Variants in RUNDC3B observed in about 807,000 individuals in gnomAD.
RUNDC3B encodes RUN domain-containing protein 3B.
A neutral mutation model predicts 58.4 loss-of-function variants in RUNDC3B; 33 were observed. That is an observed-to-expected ratio of 0.56 (90% CI 0.43 to 0.75). The LOEUF is 0.75. Among genes scored for constraint, RUNDC3B ranks in the 30% least tolerant of loss-of-function variants. The pLI is 0.00. For synonymous variants in RUNDC3B, 193 were observed against 195.2 expected (o/e 0.99, Z 0.10); for missense variants, 501 against 535.7 (o/e 0.94, Z 0.64).
intron 2 of RUNDC3B, among the ~76,000 whole-genome samples, chr7:87,663,746 A>G (rs188715275): frequency 2.0e-5 from 3 of 152,170 alleles, no homozygotes; most frequent in African/African-American, 7.2e-5. Flanking sequence ...AGGCTTAAGT[A>G]ACAGAAATTT....
chr7:87,755,693 A>G (rs921877388), intron 6 of RUNDC3B, among the ~76,000 whole-genome samples: 1 of 152,210 alleles, frequency 6.6e-6, no homozygotes, highest in Admixed American at 6.5e-5. Flanking sequence ...AAAACTCTCA[A>G]TAAACTACAT....
intron 2 of RUNDC3B, among the ~76,000 whole-genome samples, chr7:87,652,272 A>G (rs895589325): frequency 1.5e-4 from 23 of 152,200 alleles, no homozygotes; most frequent in Admixed American, 2.6e-4. Flanking sequence ...AAAACTATCA[A>G]TAGCAAATGA....
At chr7:87,674,458 C>G (rs1227877535) in intron 2 of RUNDC3B, among the ~76,000 whole-genome samples, 1 of 152,078 alleles carries the variant, frequency 6.6e-6, no homozygotes, top group Non-Finnish European at 1.5e-5. Flanking sequence ...GCAGGGTACA[C>G]TCATGCTGGC....
intron 8 of RUNDC3B, among the ~76,000 whole-genome samples, chr7:87,788,757 G>T (rs899940973): frequency 2.7e-5 from 4 of 148,006 alleles, no homozygotes; most frequent in African/African-American, 1.0e-4. Context: ...TTTTAGTAGG[G>T]TACATGTGCA....
chr7:87,674,303 G>T (rs1826110748), intron 2 of RUNDC3B, among the ~76,000 whole-genome samples: 2 of 152,138 alleles, frequency 1.3e-5, no homozygotes, highest in South Asian at 2.1e-4. Flanking sequence ...TGGCAGGGGT[G>T]GGGGTACTGG....
rs186534623 is a variant in RUNDC3B at position 87,635,753 on chromosome 7, C to A, written c.122+6808C>A. 9.2e-5 allele frequency among the ~76,000 whole-genome samples: 14 copies of A among 152,290 alleles called. No homozygotes were observed. In the East Asian group the frequency reaches 2.5e-3, roughly 27 times the overall value. On this transcript the variant is annotated intron_variant, in intron 1 of 10. Transcript: ENST00000394654. Reference sequence around the variant, plus strand: ...AGAAAGAACTGTTCAAATATCAAGACCTCCTCCTTGCTTTCTTGTAGTTAA... The same window carrying A: ...AGAAAGAACTGTTCAAATATCAAGAACTCCTCCTTGCTTTCTTGTAGTTAA...
chr7:87,825,173 A>C (rs1484830010), intron 10 of RUNDC3B, among the ~76,000 whole-genome samples: 2 of 151,938 alleles, frequency 1.3e-5, no homozygotes, highest in Non-Finnish European at 2.9e-5. Context: ...AGTGAGCCGA[A>C]ATCACACCAC....
intron 6 of RUNDC3B, among the ~76,000 whole-genome samples, chr7:87,765,489 T>C (rs750686898): frequency 1.3e-5 from 2 of 152,092 alleles, no homozygotes; most frequent in Non-Finnish European, 2.9e-5. Context: ...GGTTTTGGTA[T>C]ATTATGTCTC....
intron 6 of RUNDC3B, among the ~76,000 whole-genome samples, chr7:87,769,914 T>C (rs1834182506): frequency 6.6e-6 from 1 of 152,130 alleles, no homozygotes; most frequent in South Asian, 2.1e-4. Context: ...CATTTTTATC[T>C]CTATTGAGTT....
intron 10 of RUNDC3B, among the ~76,000 whole-genome samples, chr7:87,826,784 C>T (rs1450108539): frequency 2.6e-5 from 4 of 152,028 alleles, no homozygotes; most frequent in Non-Finnish European, 4.4e-5. Context: ...GAAGTAATCA[C>T]CTACAAGACA....
At chr7:87,824,043 T>C (rs1424581053) in intron 10 of RUNDC3B, among the ~76,000 whole-genome samples, 1 of 152,190 alleles carries the variant, frequency 6.6e-6, no homozygotes, top group East Asian at 1.9e-4. Flanking sequence ...CTGTATCCTA[T>C]TAAAGTAACT....
intron 8 of RUNDC3B, among the ~76,000 whole-genome samples, chr7:87,778,679 T>C (rs978363884): frequency 6.6e-6 from 1 of 152,176 alleles, no homozygotes; most frequent in Admixed American, 6.5e-5. Context: ...AGAATGTCAC[T>C]AAGCAGAGTT....
chr7:87,747,033 G>T (rs570566189), intron 6 of RUNDC3B, among the ~76,000 whole-genome samples: 2 of 152,212 alleles, frequency 1.3e-5, no homozygotes, highest in African/African-American at 4.8e-5. Flanking sequence ...GATTTTTTGG[G>T]TGTGTTGAAG....
chr7:87,661,500 A>T (rs761863173), intron 2 of RUNDC3B, among the ~76,000 whole-genome samples: 27 of 151,782 alleles, frequency 1.8e-4, no homozygotes, highest in Non-Finnish European at 3.1e-4. Flanking sequence ...AGTTCCCACA[A>T]ATAAGTGAAA....
intron 4 of RUNDC3B, among the ~76,000 whole-genome samples, chr7:87,732,636 G>A (rs571140613): frequency 5.5e-4 from 83 of 152,262 alleles, no homozygotes; most frequent in Non-Finnish European, 9.3e-4. Flanking sequence ...TGAAAGCTGG[G>A]TCCAGGGGGG....
At chr7:87,814,101 C>CT (rs528299203) in intron 9 of RUNDC3B, among the ~76,000 whole-genome samples, 2,676 of 138,632 alleles carry the variant, frequency 0.019, 36 homozygotes, top group East Asian at 0.052. Flanking sequence ...TCTTTCTTTC[C>CT]TTTTTTTTTT....
intron 4 of RUNDC3B, among the ~76,000 whole-genome samples, chr7:87,719,568 C>T (rs1830746155): frequency 6.6e-6 from 1 of 151,802 alleles, no homozygotes; most frequent in African/African-American, 2.4e-5. Flanking sequence ...CGATACTAAA[C>T]ATACTATATA....
chr7:87,665,940 G>A (rs990993074), intron 2 of RUNDC3B, among the ~76,000 whole-genome samples: 6 of 151,672 alleles, frequency 4.0e-5, no homozygotes, highest in Admixed American at 3.3e-4. Flanking sequence ...GTGCTACAGT[G>A]AACATACGTG....
intron 4 of RUNDC3B, among the ~76,000 whole-genome samples, chr7:87,729,420 C>T (rs1475634102): frequency 2.0e-5 from 3 of 152,184 alleles, no homozygotes; most frequent in South Asian, 4.1e-4. Context: ...TCTGTGCATT[C>T]AGGGGAGGCA....
Sources: gnomAD v4.1 joint callset for allele counts (sites outside exome capture counted in the v4.1 genomes callset) on GRCh38, gnomAD v4.1.1 for gene constraint, MANE v1.5 for transcripts, NCBI Gene and HGNC (gene_info 2026-07-23, HGNC 2026-07-21) for gene names.